The following TNFRSF10D variants were observed in gnomAD, a reference collection of about 807,000 sequenced individuals.
TNFRSF10D encodes TNF receptor superfamily member 10d, also known as tumor necrosis factor receptor superfamily member 10D.
In TNFRSF10D, 28 loss-of-function variants were observed where a neutral mutation model predicts 42.1. The ratio of observed to expected loss-of-function variants is 0.66; its 90% CI spans 0.49 to 0.91. TNFRSF10D has a LOEUF of 0.91. TNFRSF10D is among the 40% of genes least tolerant of loss of function. The probability of loss-of-function intolerance (pLI) is 0.00; values close to 1 mark genes in which losing one functional copy is unlikely to be tolerated. For missense variants in TNFRSF10D, 503 were observed against 486.1 expected, an observed-to-expected ratio of 1.03 and a Z score of -0.33; for synonymous variants, 186 against 189.4, an observed-to-expected ratio of 0.98 and a Z score of 0.15.
chr8:23,137,120 A>G lies in TNFRSF10D; in HGVS notation c.*750T>C, dbSNP rs996600591. 1.3e-5 allele frequency: 2 copies of G among 152,226 alleles called. No homozygotes were observed. Among genetic ancestry groups the G allele is most frequent in the Non-Finnish European group, 2.9e-5 (2 of 68,036 alleles). 9.4% of individuals were successfully genotyped at this position (152,226 alleles called of 1,614,324 possible). Reference sequence around the variant, plus strand: ...TGTACAGCCTACAGTAGTAAGCAATATAAATGTTTCTCTAATTAAGGTGGG... The same window carrying G: ...TGTACAGCCTACAGTAGTAAGCAATGTAAATGTTTCTCTAATTAAGGTGGG... On this transcript the variant is annotated 3_prime_UTR_variant, in exon 9 of 9. Transcript: ENST00000312584.
rs1402481508 is a variant in TNFRSF10D at position 23,137,010 on chromosome 8, C to G, written c.*860G>C. The G allele has an allele frequency of 1.3e-5, 2 of 152,058 alleles. No homozygotes were observed. Among genetic ancestry groups the G allele is most frequent in the African/African-American group, 4.8e-5 (2 of 41,380 alleles). The allele number at this position is 152,058 out of a possible 1,614,324, so 9.4% of individuals were successfully genotyped here. A position where few individuals can be genotyped will look rare whatever the true frequency, so the allele number is the denominator to read the frequency against. ...TCATTTTTGACTGCTGATTTGTATC[C>G]AGGCAACCCATGTAAACAGCCTAAT... On this transcript the variant is annotated 3_prime_UTR_variant, in exon 9 of 9. Coordinates refer to ENST00000312584, the MANE Select transcript of TNFRSF10D (RefSeq NM_003840.5).
intron 1 of TNFRSF10D, among the ~76,000 whole-genome samples, chr8:23,163,091 T>C (rs12680161): frequency 0.063 from 483 of 7,704 alleles, 5 homozygotes; most frequent in East Asian, 0.31. Flanking sequence ...CTGGCTAACT[T>C]TTTTTTTTTT....
At chr8:23,146,130 T>C (rs1018429240) in intron 4 of TNFRSF10D, among the ~76,000 whole-genome samples, 2 of 152,228 alleles carry the variant, frequency 1.3e-5, no homozygotes, top group Non-Finnish European at 2.9e-5. Flanking sequence ...CTCCCTGCTC[T>C]GGGGTCAGAG....
chr8:23,146,117 G>A (rs759224255), intron 4 of TNFRSF10D, among the ~76,000 whole-genome samples, 196 bp from the exon 5 acceptor site: 2 of 152,156 alleles, frequency 1.3e-5, no homozygotes, highest in Non-Finnish European at 2.9e-5. Flanking sequence ...TCAGCCCCTC[G>A]GCCTCCCTGC....
chr8:23,154,904 G>A lies in TNFRSF10D; in HGVS notation c.226C>T (p.Arg76Cys), dbSNP rs745839219. Residue 76 changes from arginine (R) to cysteine (C), a missense_variant, in exon 2 of 9, where the codon CGC becomes TGC. Transcript: ENST00000312584. ...QQTVAPQQQR[R>C]SLKEEECPAG... The stretch of plus-strand genomic sequence containing the variant: ...GGACACTCCTCCTCCTTGAGGCTGC[G>A]CCTCTGTTGCTGTGGGGCCACTGTC... The A allele has an allele frequency of 6.8e-6, 11 of 1,613,774 alleles. No homozygotes were observed. In the African/African-American group the frequency reaches 9.3e-5, roughly 14 times the overall value.
At position 23,136,862 on chromosome 8, in the gene TNFRSF10D, C is replaced by T. The variant is rs1814339489; in HGVS notation, c.*1008G>A. 6.6e-6 allele frequency: 1 copy of T among 152,002 alleles called. No homozygotes were observed. Among genetic ancestry groups the T allele is most frequent in the Non-Finnish European group, 1.5e-5 (1 of 67,994 alleles). 9.4% of individuals were successfully genotyped at this position (152,002 alleles called of 1,614,324 possible). A position where few individuals can be genotyped will look rare whatever the true frequency, so the allele number is the denominator to read the frequency against. ...AATTAACAAGTAAGACAAGCTGCCCCTTGAGAAGCTGCCAGCCATCAAACC... is the reference window on the plus strand; with the variant it reads ...AATTAACAAGTAAGACAAGCTGCCCTTTGAGAAGCTGCCAGCCATCAAACC... On this transcript the variant is annotated 3_prime_UTR_variant, in exon 9 of 9. Transcript: ENST00000312584.
At chr8:23,152,162 T>A (rs1192689996) in intron 2 of TNFRSF10D, among the ~76,000 whole-genome samples, 5 of 152,172 alleles carry the variant, frequency 3.3e-5, no homozygotes, top group African/African-American at 1.2e-4. Flanking sequence ...GGTTCAGATG[T>A]GTCAATTAGG....
chr8:23,136,666 G>C lies in TNFRSF10D; in HGVS notation c.*1204C>G, dbSNP rs923706853. On this transcript the variant is annotated 3_prime_UTR_variant, in exon 9 of 9. Transcript: ENST00000312584. ...AACTTAATTCTCACTGTCCTCATCT[G>C]CTGTGGACAAGTCGGAAGATGCAGT... 2 of 152,316 alleles carry C rather than the reference G, an allele frequency of 1.3e-5. No homozygotes were observed. The highest frequency in any genetic ancestry group is 2.9e-5 in the Non-Finnish European group (2 of 68,142). 9.4% of individuals were successfully genotyped at this position (152,316 alleles called of 1,614,324 possible).
rs764127729 is a variant in TNFRSF10D at position 23,146,961 on chromosome 8, C to A, written c.482G>T (p.Gly161Val). The A allele has an allele frequency of 1.2e-6, 2 of 1,612,564 alleles. No individual in the cohort carries two copies. The highest frequency in any genetic ancestry group is 3.3e-5 in the Admixed American group (2 of 59,984). The change falls in exon 4 of 9, where the codon GGG becomes GTG. Residue 161 changes from glycine to valine, a missense_variant and splice_region_variant. Coordinates refer to ENST00000312584, the MANE Select transcript of TNFRSF10D (RefSeq NM_003840.5). Reference sequence around the variant, plus strand: ...TGGGAGCCCCTGGCTGCTGTCTTACCCTGTTCTACACGTCCGGCACATCTC... The same window carrying A: ...TGGGAGCCCCTGGCTGCTGTCTTACACTGTTCTACACGTCCGGCACATCTC... Reference protein sequence around the residue: ...SPEMCRTCRTGCPRGMVKVSN... With the variant: ...SPEMCRTCRTVCPRGMVKVSN...
intron 2 of TNFRSF10D, 125 bp from the exon 3 acceptor site, chr8:23,148,676 T>C (rs1800163388): frequency 1.6e-6 from 1 of 620,210 alleles, no homozygotes; most frequent in South Asian, 1.9e-5. Context: ...CTTCTTGGCT[T>C]GGTCTTGTCA....
intron 4 of TNFRSF10D, 22 bp from the exon 5 acceptor site, chr8:23,145,943 G>A: frequency 6.2e-7 from 1 of 1,613,834 alleles, no homozygotes; most frequent in African/African-American, 1.3e-5. Flanking sequence ...CAGAGAGGGA[G>A]ACAGGGACTC....
intron 7 of TNFRSF10D, among the ~76,000 whole-genome samples, chr8:23,139,843 T>C (rs1175849266): frequency 6.6e-6 from 1 of 152,048 alleles, no homozygotes; most frequent in Non-Finnish European, 1.5e-5. Context: ...GGATACAAAA[T>C]CAATGTATAA....
In TNFRSF10D at chr8:23,163,828, C is replaced by A; in HGVS notation, c.108G>T (p.Lys36Asn). 2 of 1,609,050 alleles carry A rather than the reference C, an allele frequency of 1.2e-6. No homozygotes were observed. Among genetic ancestry groups the A allele is most frequent in the Non-Finnish European group, 1.7e-6 (2 of 1,178,460 alleles). Residue 36 changes from lysine to asparagine, a missense_variant, in exon 1 of 9, where the codon AAG (lysine) becomes AAT (asparagine). By Grantham distance (94) the Lys-to-Asn change is moderately conservative. Transcript: ENST00000312584. ...SGTRPWLLDP[K>N]ILKFVVFIVA... ...CGATGAAGACGACGAACTTAAGGAT[C>A]TTGGGGTCCAGGAGCCATGGTCTGG...
chr8:23,163,657 C>T, intron 1 of TNFRSF10D, 129 bp downstream of exon 1: 2 of 1,408,894 alleles, frequency 1.4e-6, no homozygotes, highest in Non-Finnish European at 1.9e-6. Context: ...ACGGCGGGTT[C>T]GTCCTGCCCA....
At position 23,137,990 on chromosome 8, in the gene TNFRSF10D, C is replaced by T. The variant is rs1182649914; in HGVS notation, c.1041G>A (p.Leu347=). The part of the protein sequence containing the change: ...DADSADISTL[L]DASATLEEGH... ...CTTCTTCCAGTGTTGCCGAGGCATC[C>T]AGCAAGGTGCTGACTGAGAAGAGAG... is the stretch of plus-strand genomic sequence containing the variant. Residue 347 remains leucine, a synonymous_variant, in exon 9 of 9, where the codon CTG becomes CTA. Coordinates refer to ENST00000312584, the MANE Select transcript of TNFRSF10D (RefSeq NM_003840.5). The T allele has an allele frequency of 6.2e-7, 1 of 1,614,186 alleles. No individual in the cohort carries two copies. Among genetic ancestry groups the T allele is most frequent in the Admixed American group, 1.7e-5 (1 of 60,022 alleles).
intron 2 of TNFRSF10D, among the ~76,000 whole-genome samples, chr8:23,149,970 T>C (rs911105372): frequency 2.0e-5 from 3 of 152,168 alleles, no homozygotes; most frequent in African/African-American, 7.2e-5. Flanking sequence ...GGTGCCTGAC[T>C]GACAGAAATC....
At chr8:23,153,381 A>G (rs1800233511) in intron 2 of TNFRSF10D, among the ~76,000 whole-genome samples, 1 of 152,210 alleles carries the variant, frequency 6.6e-6, no homozygotes, top group African/African-American at 2.4e-5. Flanking sequence ...AGATTATATC[A>G]GACTAGAAAG....
intron 7 of TNFRSF10D, among the ~76,000 whole-genome samples, chr8:23,142,789 G>A (rs145989952): frequency 6.2e-3 from 946 of 152,248 alleles, no homozygotes; most frequent in African/African-American, 0.019. Flanking sequence ...TGTATTATAT[G>A]TAAAGTAATC....
chr8:23,137,917 G>A lies in TNFRSF10D; in HGVS notation c.1114C>T (p.Leu372Phe). The A allele has an allele frequency of 6.2e-7, 1 of 1,614,204 alleles. No homozygotes were observed. Among genetic ancestry groups the A allele is most frequent in the Non-Finnish European group, 8.5e-7 (1 of 1,180,040 alleles). The change falls in exon 9 of 9, where the codon CTC (leucine) becomes TTC (phenylalanine). Residue 372 changes from leucine (L) to phenylalanine (F), a missense_variant. Transcript: ENST00000312584. ...IQDQLVGSEK[L>F]FYEEDEAGSA... ...CCTGCCTCATCTTCTTCATAAAAGA[G>A]CTTTTCGGAGCCCACCAGTTGGTCC... is the stretch of plus-strand genomic sequence containing the variant.
Sources: allele counts gnomAD v4.1 joint callset (sites outside exome capture counted in the v4.1 genomes callset), GRCh38; gene constraint gnomAD v4.1.1; transcripts MANE v1.5; gene names NCBI Gene and HGNC (gene_info 2026-07-23, HGNC 2026-07-21).